The following MTX3 variants were observed in gnomAD, a reference collection of about 807,000 sequenced individuals.
The protein encoded by MTX3 is metaxin-3.
Under a neutral mutation model 42.5 loss-of-function variants are expected in MTX3, and 27 were observed. The observed-to-expected ratio is 0.64, with a 90% CI of 0.47 to 0.88. The LOEUF (loss-of-function observed/expected upper bound fraction) is 0.88. MTX3 is among the 40% of genes least tolerant of loss of function. The probability of loss-of-function intolerance (pLI) is 0.00; values close to 1 mark genes in which losing one functional copy is unlikely to be tolerated. For missense variants in MTX3, 378 were observed against 367.0 expected (o/e 1.03, Z -0.25); for synonymous variants, 144 against 132.9 (o/e 1.08, Z -0.57).
At chr5:79,984,344 T>C (rs1234085185) in intron 8 of MTX3, among the ~76,000 whole-genome samples, 1 of 152,174 alleles carries the variant, frequency 6.6e-6, no homozygotes, top group Non-Finnish European at 1.5e-5. Flanking sequence ...ACTATACTTC[T>C]TTACCTCAAT....
intron 2 of MTX3, 114 bp from the exon 3 acceptor site, chr5:79,990,350 T>C: frequency 1.3e-6 from 1 of 765,244 alleles, no homozygotes; most frequent in South Asian, 2.1e-5. Flanking sequence ...ATGAGTAAGC[T>C]TGTCTTGGTT....
chr5:79,977,093 C>T lies in MTX3; in HGVS notation c.*6591G>A, dbSNP rs1346924889. ...CTTTCAGAACAGTAACATGACATTA[C>T]AAACACCTCAAATTCCCACTTCAAA... On this transcript the variant is annotated 3_prime_UTR_variant, in exon 9 of 9. Transcript: ENST00000512528. The T allele has an allele frequency of 6.6e-6, 1 of 152,176 alleles. No individual in the cohort carries two copies. Among genetic ancestry groups the T allele is most frequent in the Non-Finnish European group, 1.5e-5 (1 of 68,022 alleles). 9.4% of individuals were successfully genotyped at this position (152,176 alleles called of 1,614,324 possible).
rs569516716 is a variant in MTX3 at position 79,980,282 on chromosome 5, A to G, written c.*3402T>C. Reference sequence around the variant, plus strand: ...CCCTTACCTGTTTCTGCCTCTTTCAATGGTGTTTTTCCATTTTTACAGACT... The same window carrying G: ...CCCTTACCTGTTTCTGCCTCTTTCAGTGGTGTTTTTCCATTTTTACAGACT... On this transcript the variant is annotated 3_prime_UTR_variant, in exon 9 of 9. Coordinates refer to ENST00000512528, the MANE Select transcript of MTX3 (RefSeq NM_001363818.2). 1.3e-5 allele frequency: 2 copies of G among 152,272 alleles called. No individual in the cohort carries two copies. The highest frequency in any genetic ancestry group is 4.8e-5 in the African/African-American group (2 of 41,556). The allele number at this position is 152,272 out of a possible 1,614,324, so 9.4% of individuals were successfully genotyped here.
rs1378524823 is a variant in MTX3 at position 79,977,267 on chromosome 5, T to C, written c.*6417A>G. 1 of 152,214 alleles carries C rather than the reference T, an allele frequency of 6.6e-6. No homozygotes were observed. Among genetic ancestry groups the C allele is most frequent in the Non-Finnish European group, 1.5e-5 (1 of 68,042 alleles). 9.4% of individuals were successfully genotyped at this position (152,214 alleles called of 1,614,324 possible). Reference sequence around the variant, plus strand: ...GAGAAGGAAGCCAGAACTTCAGAAGTAGCCAGTGGTCCAAAGAATAAATGG... The same window carrying C: ...GAGAAGGAAGCCAGAACTTCAGAAGCAGCCAGTGGTCCAAAGAATAAATGG... On this transcript the variant is annotated 3_prime_UTR_variant, in exon 9 of 9. Coordinates refer to ENST00000512528, the MANE Select transcript of MTX3 (RefSeq NM_001363818.2).
chr5:79,989,690 A>G (rs557345586), intron 3 of MTX3, among the ~76,000 whole-genome samples: 1 of 152,338 alleles, frequency 6.6e-6, no homozygotes, highest in South Asian at 2.1e-4. Flanking sequence ...CATTCATATA[A>G]ATCTTTACAT....
In MTX3 at chr5:79,990,627, T is replaced by C; in HGVS notation, c.118A>G (p.Asn40Asp). The C allele has an allele frequency of 6.2e-7, 1 of 1,613,162 alleles. No homozygotes were observed. The highest frequency in any genetic ancestry group is 1.1e-5 in the South Asian group (1 of 90,946). ...CCTCTCCAGGTGTTATCTATCACATTGACTTTCAAGGGTGCACCAGAAAAT... is the reference window on the plus strand; with the variant it reads ...CCTCTCCAGGTGTTATCTATCACATCGACTTTCAAGGGTGCACCAGAAAAT... ...AKFSGAPLKVNVIDNTWRGSR... is the reference protein window; with the variant it reads ...AKFSGAPLKVDVIDNTWRGSR... Residue 40 changes from asparagine to aspartate, a missense_variant, in exon 2 of 9, where the codon AAT (asparagine) becomes GAT (aspartate). Physicochemically the swap from Asn to Asp is conservative, Grantham distance 23. Transcript: ENST00000512528.
chr5:79,987,654 T>C (rs1215765883), intron 6 of MTX3, among the ~76,000 whole-genome samples: 1 of 152,144 alleles, frequency 6.6e-6, no homozygotes, highest in Non-Finnish European at 1.5e-5. Context: ...GAAAATGAAA[T>C]TGTCTTTATA....
rs1444947609 is a variant in MTX3, at chr5:79,979,779, G to GT, written c.*3904dup. 2 of 151,254 alleles carry GT rather than the reference G, an allele frequency of 1.3e-5. No homozygotes were observed. Among genetic ancestry groups the GT allele is most frequent in the East Asian group, 3.8e-4 (2 of 5,198 alleles). 9.4% of individuals were successfully genotyped at this position (151,254 alleles called of 1,614,324 possible). A position where few individuals can be genotyped will look rare whatever the true frequency, so the allele number is the denominator to read the frequency against. On this transcript the variant is annotated 3_prime_UTR_variant, in exon 9 of 9. Transcript: ENST00000512528. Reference sequence around the variant, plus strand: ...TTTAGGGTTTTTTTTTTCTTTTCTGGTAAGGCAAAATAGATCTTTAGATAT... The same window carrying GT: ...TTTAGGGTTTTTTTTTTCTTTTCTGGTTAAGGCAAAATAGATCTTTAGATAT...
intron 8 of MTX3, among the ~76,000 whole-genome samples, chr5:79,984,396 A>C (rs1380420882): frequency 2.0e-5 from 3 of 152,244 alleles, no homozygotes; most frequent in African/African-American, 7.2e-5. Flanking sequence ...CAGCTTTTTA[A>C]AACTGAGAAT....
At chr5:79,988,359 TAAAA>T in intron 5 of MTX3, 44 bp from the exon 6 acceptor site, 1 of 1,502,154 alleles carries the variant, frequency 6.7e-7, no homozygotes, top group Non-Finnish European at 9.1e-7. Flanking sequence ...AAAGATACTC[TAAAA>T]CTACTTTTGA....
chr5:79,991,252 A>C lies in MTX3; in HGVS notation c.-14T>G. The C allele has an allele frequency of 6.9e-7, 1 of 1,445,622 alleles. No homozygotes were observed. 89.5% of individuals were successfully genotyped at this position (1,445,622 alleles called of 1,614,324 possible). The stretch of plus-strand genomic sequence containing the variant: ...GGGGGCCGCCATCTTGCGCGGGCCG[A>C]CCTTTACTATCCCGGAAGTACTTTT... On this transcript the variant is annotated 5_prime_UTR_variant, in exon 1 of 9. Coordinates refer to ENST00000512528, the MANE Select transcript of MTX3 (RefSeq NM_001363818.2).
intron 3 of MTX3, 22 bp downstream of exon 3, chr5:79,990,138 T>C (rs746772698): frequency 3.3e-6 from 5 of 1,531,658 alleles, no homozygotes; most frequent in Non-Finnish European, 2.7e-6. Flanking sequence ...ACCAATCTAC[T>C]TCTTCAAAGT....
chr5:79,990,808 C>T (rs964622499), intron 1 of MTX3, 145 bp from the exon 2 acceptor site: 1 of 755,906 alleles, frequency 1.3e-6, no homozygotes, highest in South Asian at 1.5e-5. Context: ...CAAGTAGGGA[C>T]GCGGGCGCCA....
Position 79,991,135 on chromosome 5 carries a change from CCTGGCCCGCGAGGCGGCCTCACCATCA to C in MTX3, c.77_81+22del. ...CCAGCCCCGCCCCTTCCTCCTGCGCCCTGGCCCGCGAGGCGGCCTCACCATCACCACCAGGGACTCGCTGTGAACCGA... is the reference window on the plus strand; with the variant it reads ...CCAGCCCCGCCCCTTCCTCCTGCGCCCCACCAGGGACTCGCTGTGAACCGA... On this transcript the variant is annotated splice_donor_variant and splice_donor_5th_base_variant and coding_sequence_variant and intron_variant, in exon 1 of 9. Coordinates refer to ENST00000512528, the MANE Select transcript of MTX3 (RefSeq NM_001363818.2). LOFTEE classifies it high-confidence loss of function. The C allele has an allele frequency of 6.5e-7, 1 of 1,545,926 alleles. No homozygotes were observed. The highest frequency in any genetic ancestry group is 8.7e-7 in the Non-Finnish European group (1 of 1,143,768).
rs1417128232 is a variant in MTX3, at chr5:79,986,648, C to A, written c.739+302G>T. On this transcript the variant is annotated intron_variant, in intron 7 of 8. Coordinates refer to ENST00000512528, the MANE Select transcript of MTX3 (RefSeq NM_001363818.2). Reference sequence around the variant, plus strand: ...ACTGTTTTTCAGCAAAGACTTAATACCTGTGGTTTTAACCTTTTAGAAGAA... The same window carrying A: ...ACTGTTTTTCAGCAAAGACTTAATAACTGTGGTTTTAACCTTTTAGAAGAA... The A allele has an allele frequency of 1.9e-5, 9 of 482,980 alleles. No homozygotes were observed. In the East Asian group the frequency reaches 4.9e-4, roughly 27 times the overall value. 29.9% of individuals were successfully genotyped at this position (482,980 alleles called of 1,614,324 possible).
rs1429164506 is a variant in MTX3 at position 79,978,750 on chromosome 5, T to C, written c.*4934A>G. On this transcript the variant is annotated 3_prime_UTR_variant, in exon 9 of 9. Coordinates refer to ENST00000512528, the MANE Select transcript of MTX3 (RefSeq NM_001363818.2). ...CTAACCCACTATTTCCCAAACTTAC[T>C]TGGCCACAGAACCCTCTATTCTCCT... 2 of 152,390 alleles carry C rather than the reference T, an allele frequency of 1.3e-5. No homozygotes were observed. Among genetic ancestry groups the C allele is most frequent in the South Asian group, 2.1e-4 (1 of 4,826 alleles). The allele number at this position is 152,390 out of a possible 1,614,324, so 9.4% of individuals were successfully genotyped here. A position where few individuals can be genotyped will look rare whatever the true frequency, so the allele number is the denominator to read the frequency against.
Position 79,988,528 on chromosome 5 carries a change from T to C in MTX3, c.438A>G (p.Ala146=). The C allele has an allele frequency of 6.2e-7, 1 of 1,612,966 alleles. No individual in the cohort carries two copies. The highest frequency in any genetic ancestry group is 8.5e-7 in the Non-Finnish European group (1 of 1,179,580). Residue 146 remains alanine, a synonymous_variant, in exon 5 of 9, where the codon GCA becomes GCG. Coordinates refer to ENST00000512528, the MANE Select transcript of MTX3 (RefSeq NM_001363818.2). ...LILPGRMSKG[A]LNRILLTRGQ... The stretch of plus-strand genomic sequence containing the variant: ...CTCTGGTCAGGAGAATCCTATTCAG[T>C]GCTCCCTTAGACATTCTTCCAGGCA...
intron 7 of MTX3, 113 bp from the exon 8 acceptor site, chr5:79,985,772 C>A: frequency 1.5e-6 from 1 of 645,760 alleles, no homozygotes; most frequent in Non-Finnish European, 2.6e-6. Context: ...CCCACCCTCC[C>A]CAAAAAAGGC....
chr5:79,990,548 G>GA (rs369923276), intron 2 of MTX3, 46 bp downstream of exon 2: 98 of 1,250,292 alleles, frequency 7.8e-5, no homozygotes, highest in African/African-American at 9.0e-5. Context: ...AATGGAAGAA[G>GA]AAAAAAAAGA....
Sources: gnomAD v4.1 joint callset for allele counts (sites outside exome capture counted in the v4.1 genomes callset) on GRCh38, gnomAD v4.1.1 for gene constraint, MANE v1.5 for transcripts, NCBI Gene and HGNC (gene_info 2026-07-23, HGNC 2026-07-21) for gene names.